The following RIF1 variants were observed in gnomAD, a reference collection of about 807,000 sequenced individuals.
RIF1 encodes the protein replication timing regulatory factor 1, also known as telomere-associated protein RIF1.
RIF1 carries 45 observed loss-of-function variants against 247.1 expected under a neutral mutation model. The ratio of observed to expected loss-of-function variants is 0.18; its 90% CI spans 0.14 to 0.23. The LOEUF (loss-of-function observed/expected upper bound fraction) is 0.23, where lower values mean the gene tolerates loss of function less well. Ranked by LOEUF, RIF1 falls within the 10% of genes least tolerant of loss-of-function variation. The pLI is 1.00. For missense variants in RIF1, 2,967 were observed against 2,862.5 expected (o/e 1.04, Z -0.83); for synonymous variants, 1,087 against 978.8 (o/e 1.11, Z -2.06).
chr2:151,440,378 A>G (rs75842981), intron 15 of RIF1, among the ~76,000 whole-genome samples: 3,828 of 152,340 alleles, frequency 0.025, 117 homozygotes, highest in East Asian at 0.14. Flanking sequence ...ATACAGAGAA[A>G]AACTAGGGTA....
At chr2:151,439,446 C>T (rs1691841132) in intron 14 of RIF1, among the ~76,000 whole-genome samples, 1 of 152,062 alleles carries the variant, frequency 6.6e-6, no homozygotes, top group Non-Finnish European at 1.5e-5. Flanking sequence ...GGGCGGATCA[C>T]CTGAGGTCAG....
At position 151,482,055 on chromosome 2, in the gene RIF1, G is replaced by A. The variant is rs1427243270; in HGVS notation, c.*6984G>A. ...GGCAGAATTCTATGTTTGATTCACAGTAAAACTTTTCATGAATCATTGAGG... is the reference window on the plus strand; with the variant it reads ...GGCAGAATTCTATGTTTGATTCACAATAAAACTTTTCATGAATCATTGAGG... On this transcript the variant is annotated 3_prime_UTR_variant, in exon 36 of 36. Coordinates refer to ENST00000444746, the MANE Select transcript of RIF1 (RefSeq NM_018151.5). The A allele has an allele frequency of 6.6e-6, 1 of 152,198 alleles. No individual in the cohort carries two copies. Among genetic ancestry groups the A allele is most frequent in the African/African-American group, 2.4e-5 (1 of 41,452 alleles). 9.4% of individuals were successfully genotyped at this position (152,198 alleles called of 1,614,324 possible).
At chr2:151,456,528 C>A in intron 22 of RIF1, 50 bp from the exon 23 acceptor site, 2 of 936,648 alleles carry the variant, frequency 2.1e-6, no homozygotes, top group Non-Finnish European at 1.7e-6. Flanking sequence ...ATAGATAGTA[C>A]AGTGTTAACT....
In RIF1 at chr2:151,410,152, C is replaced by T. The variant is rs562652984; in HGVS notation, c.-11+119C>T. ...GGCTTCTCCCGCCCTCCGCCGATCT[C>T]CTCCCTCTGTTGAAAGCTGCCCGGG... is the stretch of plus-strand genomic sequence containing the variant. On this transcript the variant is annotated intron_variant, in intron 1 of 35. Transcript: ENST00000444746. 5.6e-4 allele frequency: 374 copies of T among 667,486 alleles called. 1 individual carries two copies. Among genetic ancestry groups the T allele is most frequent in the Non-Finnish European group, 8.5e-4 (312 of 365,366 alleles). 41.3% of individuals were successfully genotyped at this position (667,486 alleles called of 1,614,324 possible).
intron 16 of RIF1, among the ~76,000 whole-genome samples, 162 bp downstream of exon 16, chr2:151,442,153 G>A (rs1692417872): frequency 6.6e-6 from 1 of 151,066 alleles, no homozygotes; most frequent in Admixed American, 6.6e-5. Context: ...TCGGCTCACT[G>A]CAACCTCCGC....
intron 11 of RIF1, chr2:151,502,910 G>T: frequency 7.1e-7 from 1 of 1,413,156 alleles, no homozygotes; most frequent in South Asian, 1.2e-5. Context: ...AAAGTACCCA[G>T]AGGACATTTA....
chr2:151,416,616 C>T lies in RIF1; in HGVS notation c.336C>T (p.Asp112=), dbSNP rs1687263540. The T allele has an allele frequency of 6.2e-7, 1 of 1,607,848 alleles. No homozygotes were observed. Among genetic ancestry groups the T allele is most frequent in the African/African-American group, 1.3e-5 (1 of 74,502 alleles). ...SKLNDTIKNS[D]KNVRTRALWV... ...TGAATGATACCATTAAGAATTCAGA[C>T]AAAAATGTACGTACTAGAGCACTTT... Residue 112 remains aspartate, a synonymous_variant, in exon 5 of 36, where the codon GAC becomes GAT. Coordinates refer to ENST00000444746, the MANE Select transcript of RIF1 (RefSeq NM_018151.5).
At chr2:151,433,900 G>A (rs1056311578) in intron 10 of RIF1, among the ~76,000 whole-genome samples, 2 of 152,000 alleles carry the variant, frequency 1.3e-5, no homozygotes, top group African/African-American at 2.4e-5. Flanking sequence ...AGCCGGGCGC[G>A]GTGACTCATG....
At chr2:151,526,071 G>T in the RIF1 span, 1 of 1,613,198 alleles carries the variant, frequency 6.2e-7, no homozygotes, top group African/African-American at 1.3e-5. Context: ...TACTTGTTCT[G>T]GGGGAATCCA....
chr2:151,517,710 C>T, the RIF1 span, among the ~76,000 whole-genome samples: 1 of 152,144 alleles, frequency 6.6e-6, no homozygotes, highest in African/African-American at 2.4e-5. Context: ...AATCTGTAGG[C>T]ACTTGTAACA....
In RIF1 at chr2:151,464,838, C is replaced by T. The variant is rs1379103140; in HGVS notation, c.5318C>T (p.Pro1773Leu). ...GCAGATGTGCAAGCACCTGTAAGCCCATCAGAAACTTCTCAAGCTAATCCA... is the reference window on the plus strand; with the variant it reads ...GCAGATGTGCAAGCACCTGTAAGCCTATCAGAAACTTCTCAAGCTAATCCA... The part of the protein sequence containing the change: ...KKADVQAPVS[P>L]SETSQANPYS... Residue 1773 changes from proline to leucine, a missense_variant, in exon 30 of 36, where the codon CCA becomes CTA. Coordinates refer to ENST00000444746, the MANE Select transcript of RIF1 (RefSeq NM_018151.5). 5 of 1,609,768 alleles carry T rather than the reference C, an allele frequency of 3.1e-6. No individual in the cohort carries two copies. The highest frequency in any genetic ancestry group is 4.2e-6 in the Non-Finnish European group (5 of 1,178,988).
At chr2:151,462,533 G>A in intron 29 of RIF1, 67 bp downstream of exon 29, 2 of 1,008,804 alleles carry the variant, frequency 2.0e-6, no homozygotes, top group South Asian at 1.6e-5. Flanking sequence ...CTGTTAAACT[G>A]CTGAAATGTC....
the RIF1 span, among the ~76,000 whole-genome samples, chr2:151,517,805 C>T: frequency 6.6e-6 from 1 of 152,172 alleles, no homozygotes; most frequent in Admixed American, 6.5e-5. Context: ...AATGGTACAC[C>T]TGCATAGGGT....
rs899487254 is a variant in RIF1, at chr2:151,442,887, T to A, written c.1735-372T>A. On this transcript the variant is annotated intron_variant, in intron 16 of 35. Transcript: ENST00000444746. ...CCCGGTCTCATGCCATTCTCCTGCCTCAGTCTCCCGAGTAGCTGGGACTAC... is the reference window on the plus strand; with the variant it reads ...CCCGGTCTCATGCCATTCTCCTGCCACAGTCTCCCGAGTAGCTGGGACTAC... Among the ~76,000 whole-genome samples the A allele has an allele frequency of 2.5e-4, 37 of 149,660 alleles. No individual in the cohort carries two copies. In the Admixed American group the frequency reaches 2.5e-3, roughly 10 times the overall value.
At chr2:151,467,066 T>TA (rs1189616656) in intron 30 of RIF1, among the ~76,000 whole-genome samples, 1 of 151,834 alleles carries the variant, frequency 6.6e-6, no homozygotes. Context: ...CCATCTCTAT[T>TA]AAAAATACAA....
rs1191614716 is a variant in RIF1, at chr2:151,411,307, A to C, written c.152A>C (p.Lys51Thr). Residue 51 changes from lysine to threonine, a missense_variant, in exon 3 of 36, where the codon AAA becomes ACA. Physicochemically the swap from Lys to Thr is moderately conservative, Grantham distance 78. Transcript: ENST00000444746. The part of the protein sequence containing the change: ...EGKEVITEIE[K>T]KLPRLYKVLK... ...AAAGAAGTAATTACAGAAATTGAGAAAAAACTTCCTCGGCTGTACAAAGTT... is the reference window on the plus strand; with the variant it reads ...AAAGAAGTAATTACAGAAATTGAGACAAAACTTCCTCGGCTGTACAAAGTT... 1.9e-6 allele frequency: 3 copies of C among 1,604,054 alleles called. No individual in the cohort carries two copies. In the Admixed American group the frequency reaches 5.1e-5, roughly 27 times the overall value.
At chr2:151,436,701 A>T (rs988308789) in intron 11 of RIF1, 126 bp from the exon 12 acceptor site, 7 of 673,970 alleles carry the variant, frequency 1.0e-5, no homozygotes, top group Non-Finnish European at 1.7e-5. Flanking sequence ...ATTTCAAGGT[A>T]TGGATTAATG....
At chr2:151,494,291 A>G (rs1400478221) in intron 9 of RIF1, 1 of 1,401,508 alleles carries the variant, frequency 7.1e-7, no homozygotes, top group Non-Finnish European at 9.9e-7. Context: ...CCAAAAAGAA[A>G]AAGAGTTAAC....
At chr2:151,466,230 T>C in intron 30 of RIF1, 110 bp downstream of exon 30, 1 of 661,094 alleles carries the variant, frequency 1.5e-6, no homozygotes, top group South Asian at 2.2e-5. Flanking sequence ...TGGCCACTCA[T>C]TTGATTATTT....
Sources: gnomAD v4.1 joint callset for allele counts (sites outside exome capture counted in the v4.1 genomes callset) on GRCh38, gnomAD v4.1.1 for gene constraint, MANE v1.5 for transcripts, NCBI Gene and HGNC (gene_info 2026-07-23, HGNC 2026-07-21) for gene names.